Variants in DPP6 observed in about 807,000 individuals in gnomAD.
DPP6 encodes A-type potassium channel modulatory protein DPP6.
DPP6 carries 69 observed loss-of-function variants against 122.6 expected under a neutral mutation model. The ratio of observed to expected loss-of-function variants is 0.56; its 90% CI spans 0.46 to 0.69. DPP6 has a LOEUF of 0.69. Among genes scored for constraint, DPP6 ranks in the 30% least tolerant of loss-of-function variants. The pLI, the probability that DPP6 is intolerant of heterozygous loss-of-function variation, is 0.00. For missense variants in DPP6, 928 were observed against 1,116.9 expected (o/e 0.83, Z 2.41); for synonymous variants, 418 against 433.1 (o/e 0.97, Z 0.43).
At chr7:154,077,855 G>C (rs1001508028) in intron 1 of DPP6, among the ~76,000 whole-genome samples, 1 of 151,874 alleles carries the variant, frequency 6.6e-6, no homozygotes, top group Admixed American at 6.6e-5. Context: ...ATTTTTAGTA[G>C]AGATGGGGTT....
intron 6 of DPP6, among the ~76,000 whole-genome samples, chr7:154,640,808 T>C (rs533302099): frequency 1.3e-5 from 2 of 152,346 alleles, no homozygotes; most frequent in African/African-American, 4.8e-5. Context: ...ATTATTCATG[T>C]AGAAGAAAAC....
intron 4 of DPP6, among the ~76,000 whole-genome samples, chr7:154,546,774 G>T (rs1266093089): frequency 6.6e-6 from 1 of 152,160 alleles, no homozygotes; most frequent in East Asian, 1.9e-4. Context: ...AAAATAAGAA[G>T]AACAAATAAT....
chr7:153,822,095 T>C, the DPP6 span, among the ~76,000 whole-genome samples: 1 of 151,672 alleles, frequency 6.6e-6, no homozygotes, highest in Non-Finnish European at 1.5e-5. Flanking sequence ...ATATTCTATA[T>C]CATTTGATCC....
chr7:154,260,031 C>T (rs2150912065), intron 1 of DPP6, among the ~76,000 whole-genome samples: 1 of 152,252 alleles, frequency 6.6e-6, no homozygotes, highest in Non-Finnish European at 1.5e-5. Flanking sequence ...CAGAGAGGTC[C>T]TCTCTAGAGA....
intron 5 of DPP6, among the ~76,000 whole-genome samples, chr7:154,631,663 T>C (rs1835416986): frequency 7.9e-6 from 1 of 126,192 alleles, no homozygotes; most frequent in African/African-American, 3.4e-5. Flanking sequence ...CGAGACTCTG[T>C]CTCAAGAAAA....
At chr7:154,190,049 A>G (rs10225761) in intron 1 of DPP6, among the ~76,000 whole-genome samples, 39,563 of 151,940 alleles carry the variant, frequency 0.26, 6,662 homozygotes, top group African/African-American at 0.48. Context: ...AAAAGCTGGA[A>G]GTTAATAAAT....
chr7:154,525,054 A>C (rs193008268), intron 3 of DPP6, among the ~76,000 whole-genome samples: 2 of 152,318 alleles, frequency 1.3e-5, no homozygotes, highest in Admixed American at 1.3e-4. Context: ...AAAACTAGCA[A>C]GTGTGTAGTT....
At position 154,861,249 on chromosome 7, in the gene DPP6, A is replaced by AATT. The variant is rs955317920; in HGVS notation, c.1715-6745_1715-6743dup. ...GTTTTTGCTCATGAATCCCTAAGAT[A>AATT]ATTTTTGAAAAATCATGTTTCCCCT... On this transcript the variant is annotated intron_variant, in intron 17 of 25. Coordinates refer to ENST00000377770, the MANE Select transcript of DPP6 (RefSeq NM_130797.4). Among the ~76,000 whole-genome samples the AATT allele has an allele frequency of 1.6e-3, 237 of 152,320 alleles. 3 individuals carry two copies. Among genetic ancestry groups the AATT allele is most frequent in the African/African-American group, 5.4e-3 (223 of 41,572 alleles).
At chr7:154,229,706 C>A (rs1171106902) in intron 1 of DPP6, among the ~76,000 whole-genome samples, 1 of 152,136 alleles carries the variant, frequency 6.6e-6, no homozygotes, top group Admixed American at 6.5e-5. Flanking sequence ...ATTCTTCCGT[C>A]CAAGCTTCAC....
intron 2 of DPP6, among the ~76,000 whole-genome samples, chr7:154,452,129 G>T (rs1820434412): frequency 6.6e-6 from 1 of 152,232 alleles, no homozygotes; most frequent in Non-Finnish European, 1.5e-5. Context: ...AATGATCCCG[G>T]CTAGGAGCTG....
intron 2 of DPP6, among the ~76,000 whole-genome samples, chr7:154,473,670 C>A (rs1822482029): frequency 6.6e-6 from 1 of 152,170 alleles, no homozygotes; most frequent in South Asian, 2.1e-4. Flanking sequence ...AACAGAATTT[C>A]TTTCTGTTTT....
intron 1 of DPP6, chr7:154,094,384 T>G (rs1805165379): frequency 6.6e-6 from 1 of 152,418 alleles, no homozygotes; most frequent in Non-Finnish European, 1.5e-5. Context: ...TTTCCATGTC[T>G]GTGTGATTTG....
chr7:154,888,820 A>T (rs1035298785), intron 23 of DPP6, among the ~76,000 whole-genome samples: 2 of 152,242 alleles, frequency 1.3e-5, no homozygotes, highest in Admixed American at 1.3e-4. Flanking sequence ...ACAGTTCCAC[A>T]TGGCTGGGGA....
chr7:154,628,108 G>T (rs193084716), intron 5 of DPP6, among the ~76,000 whole-genome samples: 1 of 152,096 alleles, frequency 6.6e-6, no homozygotes, highest in Non-Finnish European at 1.5e-5. Context: ...AGTGGTTGCT[G>T]GTTCCATCTC....
chr7:154,301,239 AG>A (rs1254799377), intron 1 of DPP6, among the ~76,000 whole-genome samples: 1 of 152,182 alleles, frequency 6.6e-6, no homozygotes, highest in Non-Finnish European at 1.5e-5. Context: ...GTTATGATTA[AG>A]GGCAGGTGAG....
intron 16 of DPP6, among the ~76,000 whole-genome samples, chr7:154,810,137 A>G (rs1193187462): frequency 7.0e-6 from 1 of 142,738 alleles, no homozygotes; most frequent in East Asian, 2.1e-4. Context: ...ATTACAGACA[A>G]AAGCCACCTC....
intron 7 of DPP6, among the ~76,000 whole-genome samples, chr7:154,669,793 A>C (rs770785078): frequency 2.6e-5 from 4 of 151,974 alleles, no homozygotes; most frequent in African/African-American, 9.7e-5. Context: ...GATCCGAATG[A>C]TTTTGTCATC....
intron 1 of DPP6, among the ~76,000 whole-genome samples, chr7:154,409,831 C>T (rs1460499236): frequency 6.6e-6 from 1 of 152,180 alleles, no homozygotes; most frequent in Non-Finnish European, 1.5e-5. Flanking sequence ...TACCATGGTT[C>T]TGTAGCAGTG....
At chr7:154,882,701 T>A (rs1334091864) in intron 21 of DPP6, among the ~76,000 whole-genome samples, 3 of 149,932 alleles carry the variant, frequency 2.0e-5, no homozygotes, top group Admixed American at 1.3e-4. Flanking sequence ...GAAGATTGCC[T>A]GTCTCTCATT....
Sources: allele counts gnomAD v4.1 joint callset (sites outside exome capture counted in the v4.1 genomes callset), GRCh38; gene constraint gnomAD v4.1.1; transcripts MANE v1.5; gene names NCBI Gene and HGNC (gene_info 2026-07-23, HGNC 2026-07-21).